The following KMT2E variants were observed in gnomAD, a reference collection of about 807,000 sequenced individuals.
KMT2E encodes the protein lysine methyltransferase 2E (inactive), also known as histone reader KMT2E.
Under a neutral mutation model 184.6 loss-of-function variants are expected in KMT2E, and 30 were observed. The ratio of observed to expected loss-of-function variants is 0.16; its 90% CI spans 0.12 to 0.22. KMT2E has a LOEUF of 0.22. Ranked by LOEUF, KMT2E falls within the 10% of genes least tolerant of loss-of-function variation. The probability of loss-of-function intolerance (pLI) is 1.00; values close to 1 mark genes in which losing one functional copy is unlikely to be tolerated. For synonymous variants in KMT2E, 815 were observed against 776.5 expected (o/e 1.05, Z -0.82); for missense variants, 2,023 against 2,237.4 (o/e 0.90, Z 1.93).
At chr7:105,084,459 C>T (rs1465543770) in intron 13 of KMT2E, among the ~76,000 whole-genome samples, 2 of 152,038 alleles carry the variant, frequency 1.3e-5, no homozygotes, top group African/African-American at 4.8e-5. Context: ...AACCCCATCT[C>T]TACTAAAAAT....
Position 105,078,858 on chromosome 7 carries a change from T to C in KMT2E, c.1143T>C (p.Phe381=), listed in dbSNP as rs753249523. 99 of 1,573,008 alleles carry C rather than the reference T, an allele frequency of 6.3e-5. No individual in the cohort carries two copies. The highest frequency in any genetic ancestry group is 7.6e-5 in the Non-Finnish European group (87 of 1,143,374). ...NGYFFKRPYP[F]VLFYSKFHGL... ...TCTTTCTTTGTAGACCATACCCTTT[T>C]GTGTTATTCTACTCTAAATTTCATG... The change falls in exon 12 of 27, where the codon TTT becomes TTC. Residue 381 remains phenylalanine (F), a synonymous_variant. Coordinates refer to ENST00000311117, the MANE Select transcript of KMT2E (RefSeq NM_182931.3).
At chr7:105,100,327 G>A (rs1798598393) in intron 15 of KMT2E, among the ~76,000 whole-genome samples, 1 of 152,184 alleles carries the variant, frequency 6.6e-6, no homozygotes, top group Admixed American at 6.5e-5. Flanking sequence ...GGTATCTTGA[G>A]GCTTGAATCT....
chr7:105,085,194 G>A (rs1797916703), intron 13 of KMT2E, among the ~76,000 whole-genome samples: 1 of 151,932 alleles, frequency 6.6e-6, no homozygotes, highest in Admixed American at 6.6e-5. Flanking sequence ...GTTGTTCAAG[G>A]GTCAGCAGTA....
Position 105,107,198 on chromosome 7 carries a change from A to G in KMT2E, c.2880A>G (p.Ile960Met). 6.4e-7 allele frequency: 1 copy of G among 1,555,680 alleles called. No homozygotes were observed. Among genetic ancestry groups the G allele is most frequent in the Non-Finnish European group, 8.7e-7 (1 of 1,144,296 alleles). ...NISSPESSPE[I>M]KRRTYSQEGY... The stretch of plus-strand genomic sequence containing the variant: ...CTTCCCCAGAAAGTTCTCCAGAAAT[A>G]AAGAGACGCACTTATAGTCAAGAGG... Residue 960 changes from isoleucine to methionine, a missense_variant, in exon 21 of 27, where the codon ATA becomes ATG. Coordinates refer to ENST00000311117, the MANE Select transcript of KMT2E (RefSeq NM_182931.3).
chr7:105,084,581 C>T (rs556103375), intron 13 of KMT2E, among the ~76,000 whole-genome samples: 13 of 151,450 alleles, frequency 8.6e-5, no homozygotes, highest in South Asian at 8.4e-4. Context: ...GAGCCAAGAT[C>T]GGACCACTGC....
intron 11 of KMT2E, among the ~76,000 whole-genome samples, chr7:105,078,176 CAGAT>C (rs1797609506): frequency 6.6e-6 from 1 of 152,162 alleles, no homozygotes. Context: ...CGGTATAAGA[CAGAT>C]ACTTTTAAAT....
Position 105,090,249 on chromosome 7 carries a change from G to T in KMT2E, c.1599G>T (p.Leu533=). Reference sequence around the variant, plus strand: ...CTAAACAAAGAAAGCTTTCTCCACTGAGACTATCAGTATCAAATAATCAGG... The same window carrying T: ...CTAAACAAAGAAAGCTTTCTCCACTTAGACTATCAGTATCAAATAATCAGG... The part of the protein sequence containing the change: ...PETKQRKLSP[L]RLSVSNNQEP... Residue 533 remains leucine, a synonymous_variant, in exon 14 of 27, where the codon CTG becomes CTT. Coordinates refer to ENST00000311117, the MANE Select transcript of KMT2E (RefSeq NM_182931.3). The T allele has an allele frequency of 6.3e-7, 1 of 1,597,732 alleles. No individual in the cohort carries two copies. Among genetic ancestry groups the T allele is most frequent in the South Asian group, 1.1e-5 (1 of 87,282 alleles).
At chr7:105,052,586 TCTCA>T (rs1314842336) in intron 3 of KMT2E, among the ~76,000 whole-genome samples, 3 of 151,888 alleles carry the variant, frequency 2.0e-5, no homozygotes, top group African/African-American at 4.8e-5. Context: ...TGAGAAGGAG[TCTCA>T]CTCTGTCGCC....
rs1327650886 is a variant in KMT2E at position 105,112,998 on chromosome 7, C to T, written c.5242C>T (p.Pro1748Ser). 2 of 1,614,092 alleles carry T rather than the reference C, an allele frequency of 1.2e-6. No homozygotes were observed. The highest frequency in any genetic ancestry group is 1.7e-6 in the Non-Finnish European group (2 of 1,180,022). The change falls in exon 27 of 27, where the codon CCA becomes TCA. Residue 1748 changes from proline (P) to serine (S), a missense_variant. Physicochemically the swap from Pro to Ser is moderately conservative, Grantham distance 74. Coordinates refer to ENST00000311117, the MANE Select transcript of KMT2E (RefSeq NM_182931.3). The stretch of plus-strand genomic sequence containing the variant: ...ACACCACCCACCTCATCAAGGACCT[C>T]CACTTTTTCCTTCGAGTGCTCATCC... ...ALHHPPHQGPPLFPSSAHPTV... is the reference protein window; with the variant it reads ...ALHHPPHQGPSLFPSSAHPTV...
chr7:105,105,263 CAGT>C (rs1160571635), intron 17 of KMT2E, 173 bp from the exon 18 acceptor site: 24 of 445,194 alleles, frequency 5.4e-5, no homozygotes, highest in South Asian at 1.9e-4. Flanking sequence ...TTCAGAATAA[CAGT>C]AGATAACTAA....
intron 6 of KMT2E, among the ~76,000 whole-genome samples, chr7:105,071,610 T>TATA (rs1797319913): frequency 7.9e-5 from 3 of 37,898 alleles, no homozygotes; most frequent in African/African-American, 2.6e-4. Flanking sequence ...ATATATATAT[T>TATA]TTTTTTTTTT....
At chr7:105,087,257 A>T (rs1395271294) in intron 13 of KMT2E, among the ~76,000 whole-genome samples, 1 of 143,686 alleles carries the variant, frequency 7.0e-6, no homozygotes, top group African/African-American at 2.6e-5. Context: ...ACCATTCAAC[A>T]TGAGCATATA....
At chr7:105,075,665 C>T (rs188364846) in intron 8 of KMT2E, among the ~76,000 whole-genome samples, 21 of 151,412 alleles carry the variant, frequency 1.4e-4, no homozygotes, top group African/African-American at 3.9e-4. Flanking sequence ...TTTTTATATT[C>T]TATATAGTCT....
At chr7:105,035,542 T>A (rs1795614329) in intron 1 of KMT2E, among the ~76,000 whole-genome samples, 1 of 151,894 alleles carries the variant, frequency 6.6e-6, no homozygotes, top group Non-Finnish European at 1.5e-5. Flanking sequence ...GTATTGATAG[T>A]TTGTTCCTTT....
In KMT2E at chr7:105,102,200, A is replaced by G. The variant is rs1334449792; in HGVS notation, c.2196+6A>G. ...AGTACCCCAAAACAAAGAAGGTATG[A>G]TTCTAATGAATGTAAGAACTGTTTT... On this transcript the variant is annotated splice_donor_region_variant and intron_variant, in intron 17 of 26. Transcript: ENST00000311117. 6.4e-7 allele frequency: 1 copy of G among 1,574,460 alleles called. No individual in the cohort carries two copies. Among genetic ancestry groups the G allele is most frequent in the East Asian group, 2.3e-5 (1 of 43,836 alleles).
chr7:105,032,039 C>A (rs528372870), intron 1 of KMT2E, among the ~76,000 whole-genome samples: 1 of 134,410 alleles, frequency 7.4e-6, no homozygotes, highest in East Asian at 2.2e-4. Flanking sequence ...GCACTCCACA[C>A]TCCAGCCTGG....
intron 3 of KMT2E, among the ~76,000 whole-genome samples, chr7:105,054,227 G>A (rs1202120333): frequency 6.6e-6 from 1 of 151,532 alleles, no homozygotes; most frequent in Non-Finnish European, 1.5e-5. Context: ...AGAGAATTAA[G>A]AATTACTTTT....
intron 6 of KMT2E, among the ~76,000 whole-genome samples, chr7:105,069,325 T>C (rs1797184836): frequency 6.6e-6 from 1 of 152,220 alleles, no homozygotes; most frequent in Non-Finnish European, 1.5e-5. Flanking sequence ...CTCCTTTTAT[T>C]CTAGTTGTCA....
Position 105,109,027 on chromosome 7 carries a change from C to T in KMT2E, c.3554C>T (p.Ser1185Leu), listed in dbSNP as rs186916831. Residue 1185 changes from serine (S) to leucine (L), a missense_variant, in exon 23 of 27, where the codon TCA (serine) becomes TTA (leucine). By Grantham distance (145) the Ser-to-Leu change is moderately radical. This residue lies in a region of KMT2E where 1,108 missense variants were observed against 1,050.9 expected (regional missense o/e 1.05). Transcript: ENST00000311117. The stretch of plus-strand genomic sequence containing the variant: ...GAGAACTTTCCACTCATTAGTGTAT[C>T]ACCCCATGCAAGTGGAAGCTTGAGC... ...KTENFPLISV[S>L]PHASGSLSNN... The T allele has an allele frequency of 1.2e-4, 201 of 1,614,124 alleles. No individual in the cohort carries two copies. Among genetic ancestry groups the T allele is most frequent in the Admixed American group, 1.1e-3 (68 of 60,034 alleles).
Sources: allele counts gnomAD v4.1 joint callset (sites outside exome capture counted in the v4.1 genomes callset), GRCh38; gene constraint gnomAD v4.1.1; regional missense constraint gnomAD v4.1.1; transcripts MANE v1.5; gene names NCBI Gene and HGNC (gene_info 2026-07-23, HGNC 2026-07-21).